CEP152: variants seen among roughly 807,000 people sequenced by gnomAD.
CEP152 encodes centrosomal protein of 152 kDa.
Under a neutral mutation model 188.9 loss-of-function variants are expected in CEP152, and 132 were observed. The observed-to-expected ratio is 0.70, with a 90% CI of 0.61 to 0.81. CEP152 has a LOEUF of 0.81. CEP152 is among the 30% of genes least tolerant of loss of function. The pLI, the probability that CEP152 is intolerant of heterozygous loss-of-function variation, is 0.00. For synonymous variants in CEP152, 649 were observed against 666.6 expected (o/e 0.97, Z 0.41); for missense variants, 1,914 against 1,969.8 (o/e 0.97, Z 0.54).
chr15:48,776,975 C>T (rs1175033704), intron 12 of CEP152, among the ~76,000 whole-genome samples: 1 of 151,960 alleles, frequency 6.6e-6, no homozygotes, highest in Non-Finnish European at 1.5e-5. Context: ...TCTTTCTCCA[C>T]AAAACCCATG....
chr15:48,765,361 A>T lies in CEP152; in HGVS notation c.2280+1699T>A, dbSNP rs995375962. On this transcript the variant is annotated intron_variant, in intron 17 of 26. Transcript: ENST00000380950. ...TCAATTTTACTGTATAACAATTAAA[A>T]TTTTTTTTTAATTATACTTTAAGTT... Among the ~76,000 whole-genome samples, 6 of 151,774 alleles carry T rather than the reference A, an allele frequency of 4.0e-5. No homozygotes were observed. The East Asian group carries it at 5.8e-4, about 15-fold the overall frequency.
In CEP152 at chr15:48,807,897, T is replaced by G. The variant is rs907807834; in HGVS notation, c.-7-2241A>C. Among the ~76,000 whole-genome samples, 5 of 48,874 alleles carry G rather than the reference T, an allele frequency of 1.0e-4. No individual in the cohort carries two copies. In the Admixed American group the frequency reaches 1.5e-3, roughly 15 times the overall value. 32.1% of individuals were successfully genotyped at this position (48,874 alleles called of 152,430 possible). On this transcript the variant is annotated intron_variant, in intron 1 of 26. Coordinates refer to ENST00000380950, the MANE Select transcript of CEP152 (RefSeq NM_001194998.2). ...TTCTCAGATAGAGAATACTTAGGGTTTTGTTTTTAAAGAGAATGTAAAATA... is the reference window on the plus strand; with the variant it reads ...TTCTCAGATAGAGAATACTTAGGGTGTTGTTTTTAAAGAGAATGTAAAATA...
chr15:48,762,979 T>C (rs1020207993), intron 17 of CEP152, among the ~76,000 whole-genome samples: 1 of 141,944 alleles, frequency 7.0e-6, no homozygotes, highest in Admixed American at 6.8e-5. Context: ...ACTACAAAGA[T>C]GGCAGGATTT....
In CEP152 at chr15:48,752,358, C is replaced by T. The variant is rs1401701571; in HGVS notation, c.3457G>A (p.Ala1153Thr). ...AQPLALQATE[A>T]EADKKKVLEI... The stretch of plus-strand genomic sequence containing the variant: ...AACAAAATCCAATTACCAGCTTCTG[C>T]TTCTGTTGCTTGTAAGGCCAAGGGC... The change falls in exon 21 of 27, where the codon GCA (alanine) becomes ACA (threonine). Residue 1153 changes from alanine (A) to threonine (T), a missense_variant. Transcript: ENST00000380950. The T allele has an allele frequency of 6.2e-7, 1 of 1,614,082 alleles. No homozygotes were observed. The highest frequency in any genetic ancestry group is 8.5e-7 in the Non-Finnish European group (1 of 1,180,018).
At chr15:48,735,509 C>T (rs1308176791), downstream of CEP152, among the ~76,000 whole-genome samples, 3 of 151,964 alleles carry the variant, frequency 2.0e-5, no homozygotes, top group Admixed American at 6.6e-5. Context: ...CGGAGGTGGG[C>T]GGATCACTTG....
chr15:48,749,798 T>C (rs1364193665), intron 21 of CEP152, among the ~76,000 whole-genome samples: 1 of 151,642 alleles, frequency 6.6e-6, no homozygotes, highest in Non-Finnish European at 1.5e-5. Context: ...TACAACTAAA[T>C]GTAACAGCTG....
chr15:48,777,466 T>TTGTG (rs35650877), intron 12 of CEP152, among the ~76,000 whole-genome samples: 1,614 of 147,440 alleles, frequency 0.011, 22 homozygotes, highest in Admixed American at 0.029. Context: ...TCTTAGAATA[T>TTGTG]TGTGTGTGTG....
intron 2 of CEP152, among the ~76,000 whole-genome samples, chr15:48,799,358 C>T (rs1416829224): frequency 6.6e-6 from 1 of 151,854 alleles, no homozygotes; most frequent in Non-Finnish European, 1.5e-5. Context: ...GAAAGGAATG[C>T]CCCAAATTCT....
At chr15:48,752,503 T>G (rs1595607911) in intron 20 of CEP152, 34 bp from the exon 21 acceptor site, 1 of 1,608,588 alleles carries the variant, frequency 6.2e-7, no homozygotes, top group Admixed American at 1.7e-5. Context: ...TAATGCTTAG[T>G]AAAAATCTTT....
In CEP152 at chr15:48,741,718, C is replaced by T; in HGVS notation, c.3990-14G>A. 2 of 1,613,816 alleles carry T rather than the reference C, an allele frequency of 1.2e-6. No homozygotes were observed. Among genetic ancestry groups the T allele is most frequent in the South Asian group, 2.2e-5 (2 of 91,046 alleles). On this transcript the variant is annotated splice_polypyrimidine_tract_variant and intron_variant, in intron 25 of 26. Transcript: ENST00000380950. ...TTTTTCTCAGCCCTGTGGGGAATTC[C>T]AGAATATTAAAAATATAGTTTAAAG...
chr15:48,745,984 C>T lies in CEP152; in HGVS notation c.3635-992G>A, dbSNP rs187492704. Among the ~76,000 whole-genome samples, 680 of 152,132 alleles carry T rather than the reference C, an allele frequency of 4.5e-3. 1 individual carries two copies. Among genetic ancestry groups the T allele is most frequent in the African/African-American group, 0.016 (650 of 41,504 alleles). ...CTGTGATGCTACCCTCTCAACACTC[C>T]GTAAGTTGAGGAACAAAATTACTCT... On this transcript the variant is annotated intron_variant, in intron 22 of 26. Transcript: ENST00000380950.
chr15:48,780,081 T>C (rs1896151339), intron 12 of CEP152, among the ~76,000 whole-genome samples: 1 of 152,176 alleles, frequency 6.6e-6, no homozygotes, highest in African/African-American at 2.4e-5. Context: ...CCCTCTGCAG[T>C]TGGTTAGGAA....
intron 12 of CEP152, chr15:48,773,681 T>C (rs1191775212): frequency 1.3e-5 from 2 of 152,186 alleles, no homozygotes; most frequent in South Asian, 2.1e-4. Flanking sequence ...TTAAAGGGCA[T>C]CAAATAATAC....
intron 20 of CEP152, among the ~76,000 whole-genome samples, chr15:48,752,722 A>G (rs934297593): frequency 6.6e-6 from 1 of 152,198 alleles, no homozygotes; most frequent in East Asian, 1.9e-4. Context: ...AGACAGACAG[A>G]AGATATGGTT....
intron 2 of CEP152, among the ~76,000 whole-genome samples, chr15:48,803,619 T>C (rs1291889347): frequency 6.6e-6 from 1 of 152,202 alleles, no homozygotes; most frequent in Non-Finnish European, 1.5e-5. Context: ...CTTAGATACT[T>C]GATCTTTCAA....
At chr15:48,805,146 ATCAC>A (rs891593924) in intron 2 of CEP152, among the ~76,000 whole-genome samples, 1 of 152,198 alleles carries the variant, frequency 6.6e-6, no homozygotes, top group African/African-American at 2.4e-5. Context: ...ATGATAAATT[ATCAC>A]TCACTCAAAT....
intron 7 of CEP152, among the ~76,000 whole-genome samples, chr15:48,791,815 C>G (rs563203583): frequency 1.3e-5 from 2 of 151,480 alleles, no homozygotes; most frequent in Non-Finnish European, 2.9e-5. Flanking sequence ...CCTCACCCAG[C>G]CCCAAATAAA....
rs750500211 is a variant in CEP152, at chr15:48,793,329, A to G, written c.824T>C (p.Ile275Thr). ...QIRYLNHQLV[I>T]IKDEKDGLTL... is the part of the protein sequence containing the mutation. ...AGCATCCAGCATCTTACCTTTTATT[A>G]TTACAAGCTGGTGATTCAGATATCG... The change falls in exon 7 of 27, where the codon ATA (isoleucine) becomes ACA (threonine). Residue 275 changes from isoleucine (I) to threonine (T), a missense_variant. By Grantham distance (89) the Ile-to-Thr change is moderately conservative. Coordinates refer to ENST00000380950, the MANE Select transcript of CEP152 (RefSeq NM_001194998.2). 1.2e-6 allele frequency: 2 copies of G among 1,613,918 alleles called. No homozygotes were observed. The highest frequency in any genetic ancestry group is 1.7e-6 in the Non-Finnish European group (2 of 1,179,920).
intron 21 of CEP152, among the ~76,000 whole-genome samples, chr15:48,751,805 C>G (rs2306185): frequency 0.053 from 8,071 of 152,206 alleles, 537 homozygotes; most frequent in African/African-American, 0.16. Flanking sequence ...ATACAAGCGG[C>G]TCTAGTACAG....
Sources: gnomAD v4.1 joint callset for allele counts (sites outside exome capture counted in the v4.1 genomes callset) on GRCh38, gnomAD v4.1.1 for gene constraint, MANE v1.5 for transcripts, NCBI Gene and HGNC (gene_info 2026-07-23, HGNC 2026-07-21) for gene names.